RTL4: variants seen among roughly 807,000 people sequenced by gnomAD.
The protein encoded by RTL4 is retrotransposon Gag like 4.
In RTL4, 4 loss-of-function variants were observed where a neutral mutation model predicts 5.3. The ratio of observed to expected loss-of-function variants is 0.75; its 90% CI spans 0.37 to 1.72. The LOEUF (loss-of-function observed/expected upper bound fraction) is 1.72. Among genes scored for constraint, RTL4 ranks in the 40% most tolerant of loss-of-function variants. The pLI is 0.04. For missense variants in RTL4, 260 were observed against 227.1 expected (o/e 1.14, Z -0.93); for synonymous variants, 98 against 87.3 (o/e 1.12, Z -0.68).
the RTL4 span, among the ~76,000 whole-genome samples, chrX:112,088,714 A>G: frequency 3.5e-4 from 39 of 112,293 alleles, no homozygotes; most frequent in African/African-American, 1.3e-3. Flanking sequence ...CATCCTCACC[A>G]ACACTGGTTA....
chrX:112,125,523 C>G, the RTL4 span, among the ~76,000 whole-genome samples: 1 of 111,657 alleles, frequency 9.0e-6, no homozygotes, highest in African/African-American at 3.3e-5. Context: ...ACTTTAAGGA[C>G]AGAAATGTCC....
At chrX:112,171,414 A>C in the RTL4 span, among the ~76,000 whole-genome samples, 4 of 111,799 alleles carry the variant, frequency 3.6e-5, no homozygotes, top group Admixed American at 1.9e-4. Context: ...GCAGTTTATT[A>C]ATGCCTCAAT....
the RTL4 span, among the ~76,000 whole-genome samples, chrX:112,147,639 A>C: frequency 1.2e-3 from 135 of 112,264 alleles, no homozygotes; most frequent in African/African-American, 3.8e-3. Flanking sequence ...CTGATTAAAA[A>C]AGAATCAAAT....
chrX:112,238,474 C>T, the RTL4 span, among the ~76,000 whole-genome samples: 3 of 111,385 alleles, frequency 2.7e-5, no homozygotes, highest in Middle Eastern at 4.6e-3. Context: ...TCTTGAAAGA[C>T]ACCTAGGATA....
chrX:112,349,131 T>C, the RTL4 span, among the ~76,000 whole-genome samples: 1 of 110,866 alleles, frequency 9.0e-6, no homozygotes, highest in African/African-American at 3.3e-5. Flanking sequence ...AATACTACAC[T>C]ATTTAAAAAA....
chrX:112,445,250 CAG>C, the RTL4 span, among the ~76,000 whole-genome samples: 1 of 112,343 alleles, frequency 8.9e-6, no homozygotes, highest in African/African-American at 3.2e-5. Context: ...AGAATTCCAA[CAG>C]AGTTATCTGT....
the RTL4 span, among the ~76,000 whole-genome samples, chrX:112,310,813 T>G: frequency 2.3e-5 from 2 of 86,096 alleles, no homozygotes; most frequent in Non-Finnish European, 4.3e-5. Flanking sequence ...ATATTATATA[T>G]TATATATATT....
chrX:112,365,970 C>G, the RTL4 span, among the ~76,000 whole-genome samples: 1 of 111,351 alleles, frequency 9.0e-6, no homozygotes, highest in African/African-American at 3.3e-5. Context: ...AATTAAAGAC[C>G]TTACTTTTTT....
the RTL4 span, among the ~76,000 whole-genome samples, chrX:112,147,124 C>A: frequency 9.2e-6 from 1 of 108,695 alleles, no homozygotes; most frequent in African/African-American, 3.4e-5. Context: ...GAATTTCTCT[C>A]GTCTCTAAAA....
the RTL4 span, among the ~76,000 whole-genome samples, chrX:112,374,451 C>T: frequency 3.6e-4 from 40 of 111,441 alleles, no homozygotes; most frequent in South Asian, 2.3e-3. Context: ...ATTTGTTCCT[C>T]TTTAATATTT....
the RTL4 span, among the ~76,000 whole-genome samples, chrX:112,259,917 A>C: frequency 8.9e-6 from 1 of 111,825 alleles, no homozygotes; most frequent in Admixed American, 9.5e-5. Flanking sequence ...TGGTTAGGAA[A>C]TTTTGCCAAG....
At chrX:112,264,972 G>A in the RTL4 span, among the ~76,000 whole-genome samples, 2 of 112,471 alleles carry the variant, frequency 1.8e-5, no homozygotes, top group African/African-American at 6.5e-5. Flanking sequence ...TAAACTCTTT[G>A]AGGCCAGTCT....
At chrX:112,337,094 C>T in the RTL4 span, among the ~76,000 whole-genome samples, 7 of 111,429 alleles carry the variant, frequency 6.3e-5, no homozygotes, top group African/African-American at 2.3e-4. Flanking sequence ...CTGAAGTTTG[C>T]CAGCTCTTAC....
At chrX:112,327,895 C>T in the RTL4 span, among the ~76,000 whole-genome samples, 5 of 110,108 alleles carry the variant, frequency 4.5e-5, no homozygotes, top group African/African-American at 1.7e-4. Context: ...AATTTCATAT[C>T]CAGCCAAACT....
the RTL4 span, among the ~76,000 whole-genome samples, chrX:112,357,386 T>C: frequency 2.7e-5 from 3 of 111,510 alleles, no homozygotes; most frequent in African/African-American, 9.8e-5. Flanking sequence ...CAATCCTGGG[T>C]CATTTGTCTA....
the RTL4 span, among the ~76,000 whole-genome samples, chrX:112,323,765 C>A: frequency 8.9e-6 from 1 of 112,038 alleles, no homozygotes; most frequent in African/African-American, 3.2e-5. Context: ...GCTGAGATAT[C>A]AGGCATGAGC....
the RTL4 span, among the ~76,000 whole-genome samples, chrX:112,420,036 C>CT: frequency 1.5e-4 from 16 of 107,105 alleles, no homozygotes; most frequent in African/African-American, 5.4e-4. Context: ...GTGGCTGTGA[C>CT]TTTTTTTTTT....
chrX:112,111,479 T>C, the RTL4 span, among the ~76,000 whole-genome samples: 1 of 113,019 alleles, frequency 8.8e-6, no homozygotes, highest in East Asian at 2.8e-4. Flanking sequence ...TTTTGCACTG[T>C]GTGCAATAAC....
chrX:112,135,867 A>G, the RTL4 span, among the ~76,000 whole-genome samples: 36 of 106,419 alleles, frequency 3.4e-4, no homozygotes, highest in Non-Finnish European at 5.8e-4. Flanking sequence ...ATATATGAGT[A>G]TATATATACA....
Sources: gnomAD v4.1 joint callset for allele counts (sites outside exome capture counted in the v4.1 genomes callset) on GRCh38, gnomAD v4.1.1 for gene constraint, MANE v1.5 for transcripts, NCBI Gene and HGNC (gene_info 2026-07-23, HGNC 2026-07-21) for gene names.